The following KIFAP3 variants were observed in gnomAD, a reference collection of about 807,000 sequenced individuals.
KIFAP3 encodes kinesin associated protein 3, also known as kinesin-associated protein 3.
Under a neutral mutation model 106.5 loss-of-function variants are expected in KIFAP3, and 68 were observed. The observed-to-expected ratio is 0.64, with a 90% confidence interval of 0.53 to 0.78. The LOEUF (loss-of-function observed/expected upper bound fraction) is 0.78, where lower values mean the gene tolerates loss of function less well. KIFAP3 is among the 30% of genes least tolerant of loss of function. The pLI, the probability that KIFAP3 is intolerant of heterozygous loss-of-function variation, is 0.00. For missense variants in KIFAP3, 780 were observed against 941.8 expected (o/e 0.83, Z 2.25); for synonymous variants, 320 against 311.5 (o/e 1.03, Z -0.29).
intron 9 of KIFAP3, 116 bp downstream of exon 9, chr1:170,024,302 A>G: frequency 1.6e-6 from 1 of 606,630 alleles, no homozygotes; most frequent in Non-Finnish European, 2.8e-6. Flanking sequence ...TTGCTATTAT[A>G]AAATCTTTAT....
At chr1:170,015,397 T>TATTCCTCCTC in intron 10 of KIFAP3, among the ~76,000 whole-genome samples, 1 of 152,292 alleles carries the variant, frequency 6.6e-6, no homozygotes, top group East Asian at 1.9e-4. Context: ...AAGTTTTCCT[T>TATTCCTCCTC]ATTCCTCCTC....
upstream of KIFAP3, among the ~76,000 whole-genome samples, chr1:170,078,581 AC>A (rs1354868152): frequency 6.6e-6 from 1 of 152,188 alleles, no homozygotes; most frequent in African/African-American, 2.4e-5. Context: ...ATAAGCAAAT[AC>A]CTTGAATGAT....
intron 2 of KIFAP3, 36 bp from the exon 3 acceptor site, chr1:170,046,902 A>C (rs568234493): frequency 1.4e-6 from 2 of 1,388,778 alleles, no homozygotes; most frequent in South Asian, 3.0e-5. Context: ...CTCACGTATT[A>C]TAAAAGTAAT....
At position 170,039,299 on chromosome 1, in the gene KIFAP3, A is replaced by AT. The variant is rs772541528; in HGVS notation, c.320-12dup. The AT allele has an allele frequency of 2.6e-4, 395 of 1,527,974 alleles. No homozygotes were observed. Among genetic ancestry groups the AT allele is most frequent in the South Asian group, 3.2e-4 (27 of 85,338 alleles). 94.7% of individuals were successfully genotyped at this position (1,527,974 alleles called of 1,614,324 possible). A position where few individuals can be genotyped will look rare whatever the true frequency, so the allele number is the denominator to read the frequency against. ...ATTTTTCTTTTTTCTCTGTAAAAAG[A>AT]TTTTTTTTTAATAAGGAGACTTAGG... On this transcript the variant is annotated splice_polypyrimidine_tract_variant and intron_variant, in intron 3 of 19. Transcript: ENST00000361580.
chr1:169,931,301 A>G (rs1663462363), intron 19 of KIFAP3, among the ~76,000 whole-genome samples: 1 of 152,198 alleles, frequency 6.6e-6, no homozygotes, highest in Non-Finnish European at 1.5e-5. Flanking sequence ...GCTTTCTTGA[A>G]GAGAAAAATG....
intron 15 of KIFAP3, among the ~76,000 whole-genome samples, chr1:169,980,522 T>C (rs1296331112): frequency 1.3e-5 from 2 of 152,206 alleles, no homozygotes; most frequent in African/African-American, 2.4e-5. Flanking sequence ...TGTCAAATAT[T>C]GTAGCCATAA....
At chr1:170,009,365 C>A (rs1166563002) in intron 10 of KIFAP3, among the ~76,000 whole-genome samples, 1 of 151,968 alleles carries the variant, frequency 6.6e-6, no homozygotes, top group African/African-American at 2.4e-5. Context: ...TGAATAAACT[C>A]AAAAATTCAG....
chr1:169,972,118 T>C (rs1288857543), intron 17 of KIFAP3, among the ~76,000 whole-genome samples: 1 of 151,872 alleles, frequency 6.6e-6, no homozygotes, highest in Non-Finnish European at 1.5e-5. Flanking sequence ...AATAAAACTA[T>C]CAATTAAGTG....
intron 1 of KIFAP3, among the ~76,000 whole-genome samples, chr1:170,060,591 T>C (rs1197167476): frequency 6.6e-6 from 1 of 152,122 alleles, no homozygotes; most frequent in African/African-American, 2.4e-5. Context: ...ACCGCCTAGG[T>C]AATTTATAGA....
chr1:170,044,457 T>C (rs541119011), intron 3 of KIFAP3, among the ~76,000 whole-genome samples: 2 of 152,336 alleles, frequency 1.3e-5, no homozygotes, highest in South Asian at 4.1e-4. Context: ...ATGACTACTG[T>C]GACTCTGAAC....
At chr1:170,006,341 G>T (rs542706016) in intron 10 of KIFAP3, among the ~76,000 whole-genome samples, 11 of 152,274 alleles carry the variant, frequency 7.2e-5, no homozygotes, top group African/African-American at 1.9e-4. Flanking sequence ...GAGTAAAGAA[G>T]TGAAGTAAAG....
chr1:170,065,939 C>T (rs544580873), intron 1 of KIFAP3, among the ~76,000 whole-genome samples: 2 of 152,074 alleles, frequency 1.3e-5, no homozygotes, highest in Non-Finnish European at 1.5e-5. Flanking sequence ...AGATTCAGAT[C>T]TATCACTTCA....
At position 170,046,591 on chromosome 1, in the gene KIFAP3, A is replaced by G. The variant is rs573251478; in HGVS notation, c.319+121T>C. The G allele has an allele frequency of 2.4e-4, 183 of 767,200 alleles. 1 individual carries two copies. In the African/African-American group the frequency reaches 2.6e-3, roughly 11 times the overall value. 47.5% of individuals were successfully genotyped at this position (767,200 alleles called of 1,614,324 possible). On this transcript the variant is annotated intron_variant, in intron 3 of 19. Transcript: ENST00000361580. ...TGTTTACTCATTCATAACACTGGTG[A>G]AAAAAACCTACCCAACATCAAATAT...
intron 10 of KIFAP3, among the ~76,000 whole-genome samples, chr1:170,005,026 C>T (rs1166502407): frequency 1.2e-4 from 18 of 152,112 alleles, no homozygotes; most frequent in African/African-American, 2.7e-4. Flanking sequence ...AAACAAACAA[C>T]CCCATCAAAA....
chr1:170,002,312 C>T lies in KIFAP3; in HGVS notation c.1184-10057G>A, dbSNP rs76428754. Among the ~76,000 whole-genome samples, 33 of 152,270 alleles carry T rather than the reference C, an allele frequency of 2.2e-4. 1 individual carries two copies. The East Asian group carries it at 4.4e-3, about 20-fold the overall frequency. On this transcript the variant is annotated intron_variant, in intron 10 of 19. Transcript: ENST00000361580. ...TCTCAAAATCAATTTTGGGTCTACT[C>T]ACAGAATAGAGAAACATTTATATCA...
intron 19 of KIFAP3, among the ~76,000 whole-genome samples, chr1:169,940,985 GTTTAC>G (rs1664077932): frequency 1.3e-5 from 2 of 151,648 alleles, no homozygotes; most frequent in African/African-American, 4.8e-5. Context: ...AGAAAACAAT[GTTTAC>G]TTCATGAAGA....
At chr1:169,975,163 C>T (rs939156610) in intron 16 of KIFAP3, among the ~76,000 whole-genome samples, 2 of 151,964 alleles carry the variant, frequency 1.3e-5, no homozygotes, top group African/African-American at 2.4e-5. Flanking sequence ...AGATGAGGAA[C>T]CCCCAAATAA....
At chr1:169,984,774 T>C in intron 11 of KIFAP3, 84 bp from the exon 12 acceptor site, 1 of 677,092 alleles carries the variant, frequency 1.5e-6, no homozygotes, top group Non-Finnish European at 2.7e-6. Context: ...TCATAATGTG[T>C]TATCTTAGAT....
At chr1:170,005,018 A>T (rs1667872049) in intron 10 of KIFAP3, among the ~76,000 whole-genome samples, 2 of 150,894 alleles carry the variant, frequency 1.3e-5, no homozygotes, top group African/African-American at 4.9e-5. Flanking sequence ...CAAGAAAAAA[A>T]CAAACAACCC....
Sources: gnomAD v4.1 joint callset for allele counts (sites outside exome capture counted in the v4.1 genomes callset) on GRCh38, gnomAD v4.1.1 for gene constraint, MANE v1.5 for transcripts, NCBI Gene and HGNC (gene_info 2026-07-23, HGNC 2026-07-21) for gene names.